SLC22A23: variants seen among roughly 807,000 people sequenced by gnomAD.
The protein encoded by SLC22A23 is solute carrier family 22 member 23.
In SLC22A23, 26 loss-of-function variants were observed where a neutral mutation model predicts 61.0. That is an observed-to-expected ratio of 0.43 (90% confidence interval 0.31 to 0.59). The LOEUF (loss-of-function observed/expected upper bound fraction) is 0.59, where lower values mean the gene tolerates loss of function less well. SLC22A23 is among the 20% of genes least tolerant of loss of function. The probability of loss-of-function intolerance (pLI) is 0.11; values close to 1 mark genes in which losing one functional copy is unlikely to be tolerated. For missense variants in SLC22A23, 796 were observed against 934.7 expected, an observed-to-expected ratio of 0.85 and a Z score of 1.94; for synonymous variants, 430 against 413.9, an observed-to-expected ratio of 1.04 and a Z score of -0.47.
Position 3,360,968 on chromosome 6 carries a change from C to T in SLC22A23, c.914-36966G>A, listed in dbSNP as rs949524698. Among the ~76,000 whole-genome samples, 6 of 152,174 alleles carry T rather than the reference C, an allele frequency of 3.9e-5. No individual in the cohort carries two copies. The highest frequency in any genetic ancestry group is 6.5e-5 in the Admixed American group (1 of 15,280). On this transcript the variant is annotated intron_variant, in intron 3 of 9. Transcript: ENST00000406686. This position sits in a 1 kb window ranked among gnomAD's most constrained non-coding sequence, Gnocchi z 4.6. ...AGGCGCTAGCGAACATCAGCAGCTGCGGGGAGCTCGAGGCAGCAGGGATGT... is the reference window on the plus strand; with the variant it reads ...AGGCGCTAGCGAACATCAGCAGCTGTGGGGAGCTCGAGGCAGCAGGGATGT...
chr6:3,394,110 C>T (rs1313462923), intron 3 of SLC22A23, among the ~76,000 whole-genome samples: 1 of 152,148 alleles, frequency 6.6e-6, no homozygotes, highest in Non-Finnish European at 1.5e-5. Flanking sequence ...AAGGTCCAAC[C>T]CAGAACTGGT....
At chr6:3,340,985 T>C (rs1193979707) in intron 3 of SLC22A23, among the ~76,000 whole-genome samples, 3 of 152,248 alleles carry the variant, frequency 2.0e-5, no homozygotes, top group Non-Finnish European at 4.4e-5. Context: ...CCATCACCAA[T>C]GCCTGCTATG....
chr6:3,293,705 A>G (rs7748835), intron 5 of SLC22A23, among the ~76,000 whole-genome samples: 13,657 of 152,248 alleles, frequency 0.09, 917 homozygotes, highest in East Asian at 0.33. Flanking sequence ...CCTTGCTTTC[A>G]TCACTTACAG....
intron 3 of SLC22A23, among the ~76,000 whole-genome samples, chr6:3,396,130 T>C (rs1010795424): frequency 1.3e-5 from 2 of 152,146 alleles, no homozygotes; most frequent in South Asian, 4.1e-4. Flanking sequence ...CTTAGTGATA[T>C]ACGGAAGGGA....
At chr6:3,282,113 G>T in intron 9 of SLC22A23, 1 of 673,750 alleles carries the variant, frequency 1.5e-6, no homozygotes, top group Admixed American at 2.1e-5. Context: ...GCATAATCAT[G>T]CAAAGGCTGC....
intron 3 of SLC22A23, among the ~76,000 whole-genome samples, chr6:3,402,252 C>T (rs1420491115): frequency 1.3e-5 from 2 of 152,210 alleles, no homozygotes; most frequent in Non-Finnish European, 2.9e-5. Context: ...CTTTGGCCTG[C>T]TCACACTGCA....
At chr6:3,412,260 A>G (rs1402389302) in intron 2 of SLC22A23, among the ~76,000 whole-genome samples, 2 of 152,216 alleles carry the variant, frequency 1.3e-5, no homozygotes, top group Non-Finnish European at 2.9e-5. Flanking sequence ...ATCAACAAGT[A>G]AAACTTATCA....
chr6:3,374,457 A>G (rs1452532714), intron 3 of SLC22A23, among the ~76,000 whole-genome samples: 1 of 152,324 alleles, frequency 6.6e-6, no homozygotes, highest in East Asian at 1.9e-4. Context: ...AATCTACCTG[A>G]CAGTAACAAC....
intron 3 of SLC22A23, among the ~76,000 whole-genome samples, chr6:3,395,731 T>A (rs1025037011): frequency 6.6e-6 from 1 of 152,134 alleles, no homozygotes; most frequent in African/African-American, 2.4e-5. Context: ...AAAGGCAACA[T>A]GTATACTGGC....
chr6:3,346,558 G>A (rs1764452184), intron 3 of SLC22A23, among the ~76,000 whole-genome samples: 1 of 152,176 alleles, frequency 6.6e-6, no homozygotes, highest in Non-Finnish European at 1.5e-5. Context: ...GCTTACAAGG[G>A]CATTCCCAAG....
intron 4 of SLC22A23, among the ~76,000 whole-genome samples, chr6:3,299,100 A>G (rs1398132556): frequency 6.6e-6 from 1 of 152,176 alleles, no homozygotes; most frequent in Non-Finnish European, 1.5e-5. Context: ...TGTGTACCCC[A>G]TAAATATGTA....
chr6:3,447,065 A>G (rs1771931273), intron 1 of SLC22A23, among the ~76,000 whole-genome samples: 1 of 152,164 alleles, frequency 6.6e-6, no homozygotes, highest in Admixed American at 6.5e-5. Flanking sequence ...ACTGCATCAT[A>G]TCCCTTATCC....
chr6:3,298,666 TAGG>T (rs1761327643), intron 4 of SLC22A23, among the ~76,000 whole-genome samples: 1 of 152,006 alleles, frequency 6.6e-6, no homozygotes, highest in Non-Finnish European at 1.5e-5. Context: ...TTCACATAGC[TAGG>T]AGGAGGATGT....
chr6:3,455,613 G>C (rs1187134259), intron 1 of SLC22A23, among the ~76,000 whole-genome samples: 4 of 152,256 alleles, frequency 2.6e-5, no homozygotes, highest in Admixed American at 6.5e-5. Context: ...GACTCCTCCA[G>C]AGGGGGCTGG....
At position 3,273,433 on chromosome 6, in the gene SLC22A23, A is replaced by G. The variant is rs772062597; in HGVS notation, c.1704-21T>C. ...CACACCTGCAGGGGGAGGGAAGCAC[A>G]GGGATTGCTGCTGTGGGCTAGCGGG... On this transcript the variant is annotated intron_variant, in intron 9 of 9. Coordinates refer to ENST00000406686, the MANE Select transcript of SLC22A23 (RefSeq NM_015482.2). 7.5e-6 allele frequency: 12 copies of G among 1,609,936 alleles called. No individual in the cohort carries two copies. The South Asian group carries it at 1.1e-4, about 15-fold the overall frequency.
rs755436654 is a variant in SLC22A23 at position 3,273,392 on chromosome 6, A to G, written c.1724T>C (p.Val575Ala). The G allele has an allele frequency of 3.7e-6, 6 of 1,611,450 alleles. No homozygotes were observed. Among genetic ancestry groups the G allele is most frequent in the South Asian group, 3.3e-5 (3 of 91,062 alleles). ...CATGCCGAAGCCCGCGCTGGCCAGC[A>G]CCAGCCCCAGCCCGCCACACCTGCA... ...TVIRCGGLGL[V>A]LASAGFGMLT... is the part of the protein sequence containing the mutation. The change falls in exon 10 of 10, where the codon GTG becomes GCG. Residue 575 changes from valine (V) to alanine (A), a missense_variant. Val to Ala is a moderately conservative substitution (Grantham distance 64). Coordinates refer to ENST00000406686, the MANE Select transcript of SLC22A23 (RefSeq NM_015482.2).
At chr6:3,443,221 C>T (rs1483368887) in intron 1 of SLC22A23, among the ~76,000 whole-genome samples, 1 of 152,220 alleles carries the variant, frequency 6.6e-6, no homozygotes, top group Non-Finnish European at 1.5e-5. Context: ...GCAGTGGTGA[C>T]AACACACTTT....
At position 3,390,431 on chromosome 6, in the gene SLC22A23, G is replaced by A. The variant is rs1767592207; in HGVS notation, c.913+19757C>T. On this transcript the variant is annotated intron_variant, in intron 3 of 9. Transcript: ENST00000406686. The surrounding 1 kb of genome is among the most constrained non-coding windows in gnomAD (Gnocchi z 4.0). Reference sequence around the variant, plus strand: ...CCCCAAAGTCCAATTAAGTCCAAGTGCCAACCTAACATGAGAAGGCTAAGA... The same window carrying A: ...CCCCAAAGTCCAATTAAGTCCAAGTACCAACCTAACATGAGAAGGCTAAGA... Among the ~76,000 whole-genome samples the A allele has an allele frequency of 6.6e-6, 1 of 152,094 alleles. No homozygotes were observed. The highest frequency in any genetic ancestry group is 6.6e-5 in the Admixed American group (1 of 15,262).
At chr6:3,393,817 G>A (rs17308612) in intron 3 of SLC22A23, among the ~76,000 whole-genome samples, 5,272 of 152,298 alleles carry the variant, frequency 0.035, 156 homozygotes, top group South Asian at 0.053. Context: ...TTCATTCGGA[G>A]TTACCTCTTC....
Sources: allele counts gnomAD v4.1 joint callset (sites outside exome capture counted in the v4.1 genomes callset), GRCh38; gene constraint gnomAD v4.1.1; non-coding constraint Gnocchi (gnomAD v3.1); transcripts MANE v1.5; gene names NCBI Gene and HGNC (gene_info 2026-07-23, HGNC 2026-07-21).